Variants in CWF19L2 observed in about 807,000 individuals in gnomAD.
CWF19L2 encodes the protein CWF19 like cell cycle control factor 2.
In CWF19L2, 98 loss-of-function variants were observed where a neutral mutation model predicts 111.7. The ratio of observed to expected loss-of-function variants is 0.88; its 90% CI spans 0.75 to 1.04. The LOEUF (loss-of-function observed/expected upper bound fraction) is 1.04, where lower values mean the gene tolerates loss of function less well. CWF19L2 is among the 50% of genes least tolerant of loss of function. CWF19L2 has a pLI of 0.00. For synonymous variants in CWF19L2, 351 were observed against 342.9 expected, an observed-to-expected ratio of 1.02 and a Z score of -0.26; for missense variants, 1,101 against 1,051.4, an observed-to-expected ratio of 1.05 and a Z score of -0.65.
rs529752929 is a variant in CWF19L2, at chr11:107,381,279, G to A, written c.1872+8795C>T. On this transcript the variant is annotated intron_variant, in intron 12 of 17. Transcript: ENST00000282251. ...GCCATAAAAAACCCAACTAGGACCT[G>A]AACGAAAAAACATTAAATAAATTCT... Among the ~76,000 whole-genome samples the A allele has an allele frequency of 2.9e-4, 44 of 152,204 alleles. 1 individual carries two copies. In the South Asian group the frequency reaches 8.3e-3, roughly 29 times the overall value.
At position 107,327,155 on chromosome 11, in the gene CWF19L2, T is replaced by A. The variant is rs920014714; in HGVS notation, c.2542-102A>T. The stretch of plus-strand genomic sequence containing the variant: ...TCTGCTATAAAATATAACAAGTTCT[T>A]CTCCATGACAATGTTCAAGCATAAA... On this transcript the variant is annotated intron_variant, in intron 17 of 17. Coordinates refer to ENST00000282251, the MANE Select transcript of CWF19L2 (RefSeq NM_152434.3). 9 of 1,153,666 alleles carry A rather than the reference T, an allele frequency of 7.8e-6. No homozygotes were observed. In the Admixed American group the frequency reaches 2.2e-4, roughly 29 times the overall value. The allele number at this position is 1,153,666 out of a possible 1,614,324, so 71.5% of individuals were successfully genotyped here.
At position 107,336,118 on chromosome 11, in the gene CWF19L2, G is replaced by A. The variant is rs560455201; in HGVS notation, c.2358+440C>T. 2.6e-5 allele frequency among the ~76,000 whole-genome samples: 4 copies of A among 152,148 alleles called. No individual in the cohort carries two copies. The East Asian group carries it at 5.9e-4, about 22-fold the overall frequency. Reference sequence around the variant, plus strand: ...TGCCTGTAGTCCCAACTACTCAGGAGGCTGAGACAGGAGAATTGCTTGAAT... The same window carrying A: ...TGCCTGTAGTCCCAACTACTCAGGAAGCTGAGACAGGAGAATTGCTTGAAT... On this transcript the variant is annotated intron_variant, in intron 15 of 17. Transcript: ENST00000282251.
At chr11:107,399,815 G>A (rs1022830251) in intron 10 of CWF19L2, among the ~76,000 whole-genome samples, 1 of 152,082 alleles carries the variant, frequency 6.6e-6, no homozygotes, top group Admixed American at 6.5e-5. Flanking sequence ...CATTTGATAG[G>A]CCATAAAATG....
chr11:107,440,761 T>A (rs1433065101), intron 5 of CWF19L2, among the ~76,000 whole-genome samples: 1 of 152,132 alleles, frequency 6.6e-6, no homozygotes. Context: ...GCAAAAAACA[T>A]AAATGAGCAG....
intron 10 of CWF19L2, among the ~76,000 whole-genome samples, chr11:107,415,559 A>G (rs1400923980): frequency 1.3e-5 from 2 of 152,210 alleles, no homozygotes; most frequent in Non-Finnish European, 2.9e-5. Context: ...TATGAAATGA[A>G]TAACTAATTC....
chr11:107,370,115 C>T (rs1274861966), intron 12 of CWF19L2, among the ~76,000 whole-genome samples: 1 of 137,634 alleles, frequency 7.3e-6, no homozygotes, highest in East Asian at 2.1e-4. Context: ...AGTTTAACTT[C>T]AGGGAAAAAT....
At chr11:107,431,958 A>G (rs1280847685) in intron 7 of CWF19L2, among the ~76,000 whole-genome samples, 1 of 152,178 alleles carries the variant, frequency 6.6e-6, no homozygotes, top group Non-Finnish European at 1.5e-5. Flanking sequence ...AGAAAAATTA[A>G]AGATAAAACA....
intron 8 of CWF19L2, among the ~76,000 whole-genome samples, chr11:107,421,673 T>C (rs1036244320): frequency 6.6e-6 from 1 of 152,138 alleles, no homozygotes. Context: ...ACACATCCGC[T>C]AGAAGAGCTA....
rs772130363 is a variant in CWF19L2, at chr11:107,439,045, A to AAAC, written c.664+44_664+45insGTT. 2.7e-4 allele frequency: 247 copies of AAAC among 905,338 alleles called. No individual in the cohort carries two copies. In the East Asian group the frequency reaches 6.5e-3, roughly 24 times the overall value. The allele number at this position is 905,338 out of a possible 1,614,324, so 56.1% of individuals were successfully genotyped here. Reference sequence around the variant, plus strand: ...GCGAGACTCTGTCTCGAAAAAAAAAAAAAAAAAAAAACCCTGTGTGTCTAT... The same window carrying AAAC: ...GCGAGACTCTGTCTCGAAAAAAAAAAAACAAAAAAAAAAACCCTGTGTGTCTAT... On this transcript the variant is annotated intron_variant, in intron 6 of 17. Coordinates refer to ENST00000282251, the MANE Select transcript of CWF19L2 (RefSeq NM_152434.3).
intron 12 of CWF19L2, among the ~76,000 whole-genome samples, chr11:107,364,173 C>A (rs1284160889): frequency 7.3e-6 from 1 of 137,438 alleles, no homozygotes; most frequent in Non-Finnish European, 1.6e-5. Context: ...ATTCATAAAG[C>A]AAGTCCTCAG....
At chr11:107,442,353 CATTT>C (rs1861629932) in intron 4 of CWF19L2, among the ~76,000 whole-genome samples, 1 of 152,118 alleles carries the variant, frequency 6.6e-6, no homozygotes, top group Non-Finnish European at 1.5e-5. Flanking sequence ...TTTTCATATT[CATTT>C]ATTCTCAAAA....
intron 10 of CWF19L2, among the ~76,000 whole-genome samples, chr11:107,415,034 A>C (rs1262383079): frequency 6.6e-6 from 1 of 152,140 alleles, no homozygotes; most frequent in Non-Finnish European, 1.5e-5. Flanking sequence ...TCACCACCTC[A>C]GTCAGAAAAA....
chr11:107,326,499 TCTTA>T lies in CWF19L2; in HGVS notation c.*407_*410del, dbSNP rs1565238673. On this transcript the variant is annotated 3_prime_UTR_variant, in exon 18 of 18. Coordinates refer to ENST00000282251, the MANE Select transcript of CWF19L2 (RefSeq NM_152434.3). Reference sequence around the variant, plus strand: ...ATCCTATGAAATTAAAATTAAATCGTCTTATTTTTAAAAATGCAAAAGAAGCCAG... The same window carrying T: ...ATCCTATGAAATTAAAATTAAATCGTTTTTTAAAAATGCAAAAGAAGCCAG... 2 of 154,694 alleles carry T rather than the reference TCTTA, an allele frequency of 1.3e-5. No homozygotes were observed. Among genetic ancestry groups the T allele is most frequent in the Admixed American group, 1.3e-4 (2 of 15,318 alleles). The allele number at this position is 154,694 out of a possible 1,614,324, so 9.6% of individuals were successfully genotyped here.
chr11:107,400,703 T>C (rs1831131546), intron 10 of CWF19L2, among the ~76,000 whole-genome samples: 1 of 152,168 alleles, frequency 6.6e-6, no homozygotes, highest in South Asian at 2.1e-4. Flanking sequence ...GAACCCTCCC[T>C]AATTCATTCT....
intron 7 of CWF19L2, among the ~76,000 whole-genome samples, chr11:107,429,984 A>C (rs750359991): frequency 1.3e-5 from 2 of 152,066 alleles, no homozygotes; most frequent in African/African-American, 4.8e-5. Context: ...GTAAGTTATA[A>C]GAAAAAAAGA....
chr11:107,437,241 T>C (rs1313816615), intron 6 of CWF19L2, among the ~76,000 whole-genome samples: 3 of 152,142 alleles, frequency 2.0e-5, no homozygotes, highest in Admixed American at 1.3e-4. Context: ...ATAAGATAGG[T>C]AATATCATTA....
chr11:107,398,863 G>A (rs1445287138), intron 10 of CWF19L2, among the ~76,000 whole-genome samples: 1 of 152,142 alleles, frequency 6.6e-6, no homozygotes, highest in Non-Finnish European at 1.5e-5. Flanking sequence ...AGCTAGAAGG[G>A]ATTGGGGACC....
At chr11:107,446,557 AT>A (rs769248137) in intron 3 of CWF19L2, among the ~76,000 whole-genome samples, 9 of 152,176 alleles carry the variant, frequency 5.9e-5, no homozygotes, top group Non-Finnish European at 1.0e-4. Flanking sequence ...TAAAGCCAAC[AT>A]CTTCTTCTAC....
chr11:107,390,367 G>GA (rs1297983948), intron 11 of CWF19L2, among the ~76,000 whole-genome samples, 156 bp from the exon 12 acceptor site: 1 of 152,100 alleles, frequency 6.6e-6, no homozygotes, highest in Non-Finnish European at 1.5e-5. Context: ...GTTTCCATGT[G>GA]AAAAAACTTC....
Sources: allele counts gnomAD v4.1 joint callset (sites outside exome capture counted in the v4.1 genomes callset), GRCh38; gene constraint gnomAD v4.1.1; transcripts MANE v1.5; gene names NCBI Gene and HGNC (gene_info 2026-07-23, HGNC 2026-07-21).